The following GPC2 variants were observed in gnomAD, a reference collection of about 807,000 sequenced individuals.
The protein encoded by GPC2 is glypican 2.
GPC2 carries 42 observed loss-of-function variants against 57.3 expected under a neutral mutation model. The ratio of observed to expected loss-of-function variants is 0.73; its 90% CI spans 0.57 to 0.95. The LOEUF (loss-of-function observed/expected upper bound fraction) is 0.95, where lower values mean the gene tolerates loss of function less well. Among genes scored for constraint, GPC2 ranks in the 40% least tolerant of loss-of-function variants. The probability of loss-of-function intolerance (pLI) is 0.00; values close to 1 mark genes in which losing one functional copy is unlikely to be tolerated. For missense variants in GPC2, 745 were observed against 793.6 expected (o/e 0.94, Z 0.74); for synonymous variants, 364 against 343.4 (o/e 1.06, Z -0.66).
chr7:100,175,536 A>T (rs1554401295), intron 3 of GPC2, 36 bp downstream of exon 3: 1 of 1,542,146 alleles, frequency 6.5e-7, no homozygotes, highest in Non-Finnish European at 8.8e-7. Context: ...TCACTAGGTC[A>T]GAAGTGGTTG....
At chr7:100,173,401 G>C (rs1326778384) in intron 5 of GPC2, 1 of 152,052 alleles carries the variant, frequency 6.6e-6, no homozygotes, top group Admixed American at 6.6e-5. Flanking sequence ...TGGAGTAACT[G>C]GGACAACAGG....
rs1422133508 is a variant in GPC2, at chr7:100,175,019, T to C, written c.649-254A>G. On this transcript the variant is annotated intron_variant, in intron 3 of 9. Coordinates refer to ENST00000292377, the MANE Select transcript of GPC2 (RefSeq NM_152742.3). ...ACAGGGCTTAGAGAGAGAGAAATTG[T>C]GTATCGGAACTAACACTGAACTTGA... Among the ~76,000 whole-genome samples, 5 of 152,128 alleles carry C rather than the reference T, an allele frequency of 3.3e-5. No individual in the cohort carries two copies. The East Asian group carries it at 9.6e-4, about 29-fold the overall frequency.
intron 1 of GPC2, 55 bp downstream of exon 1, chr7:100,176,979 A>AGGGGGG: frequency 1.4e-6 from 1 of 714,308 alleles, no homozygotes. Context: ...TGAGATGAGG[A>AGGGGGG]GGCCCCGCCC....
rs1193193792 is a variant in GPC2 at position 100,171,862 on chromosome 7, G to A, written c.1087C>T (p.Arg363Trp). ...GACCACAGCCGGCCCGCCTCTTCCC[G>A]GGGCGGCGGGGCTCGACGGTTGCGG... ...PARNRRAPPP[R>W]EEAGRLWSMV... The change falls in exon 7 of 10, where the codon CGG becomes TGG. Residue 363 changes from arginine to tryptophan, a missense_variant. Physicochemically the swap from Arg to Trp is moderately radical, Grantham distance 101. This residue lies in a region of GPC2 where 607 missense variants were observed against 603.9 expected (regional missense o/e 1.01). Transcript: ENST00000292377. The surrounding 1 kb of genome is among the most constrained non-coding windows in gnomAD (Gnocchi z 4.8). The A allele has an allele frequency of 1.2e-5, 19 of 1,541,616 alleles. No homozygotes were observed. The highest frequency in any genetic ancestry group is 1.5e-5 in the Non-Finnish European group (17 of 1,152,064).
At position 100,175,631 on chromosome 7, in the gene GPC2, A is replaced by C. The variant is rs202048140; in HGVS notation, c.589T>G (p.Ser197Ala). The C allele has an allele frequency of 1.9e-6, 3 of 1,614,018 alleles. No individual in the cohort carries two copies. The Admixed American group carries it at 5.0e-5, about 27-fold the overall frequency. The change falls in exon 3 of 10, where the codon TCA (serine) becomes GCA (alanine). Residue 197 changes from serine to alanine, a missense_variant. Transcript: ENST00000292377. ...GGCTGCAGAGAGCCATCGGTAGATG[A>C]GGCCAAGCGTGAGAGGCAGAGCAGG... ...DYLLCLSRLA[S>A]STDGSLQPFG...
chr7:100,171,295 G>A lies in GPC2; in HGVS notation c.1452C>T (p.Ala484=), dbSNP rs1363373553. ...LRAATARMKT[A]ALGHDLDGQD... is the part of the protein sequence containing the mutation. ...GCCCGTCCAGGTCGTGTCCCAGTGC[G>A]GCCGTTTTCATTCTGGCCGTGGCCG... Residue 484 remains alanine, a synonymous_variant, in exon 9 of 10, where the codon GCC becomes GCT. Coordinates refer to ENST00000292377, the MANE Select transcript of GPC2 (RefSeq NM_152742.3). The surrounding 1 kb of genome is among the most constrained non-coding windows in gnomAD (Gnocchi z 4.8). The A allele has an allele frequency of 1.8e-5, 28 of 1,537,850 alleles. No homozygotes were observed. Among genetic ancestry groups the A allele is most frequent in the Middle Eastern group, 3.7e-4 (2 of 5,470 alleles).
Position 100,169,726 on chromosome 7 carries a change from A to T in GPC2, c.*504T>A, listed in dbSNP as rs560242676. On this transcript the variant is annotated 3_prime_UTR_variant, in exon 10 of 10. Coordinates refer to ENST00000292377, the MANE Select transcript of GPC2 (RefSeq NM_152742.3). Reference sequence around the variant, plus strand: ...AGCACCCCCCCACCTTGTTTTTTTTAAAATTTGGTTTAAGAAATTGATACT... The same window carrying T: ...AGCACCCCCCCACCTTGTTTTTTTTTAAATTTGGTTTAAGAAATTGATACT... The T allele has an allele frequency of 1.8e-3, 274 of 152,446 alleles. 1 individual carries two copies. Among genetic ancestry groups the T allele is most frequent in the Non-Finnish European group, 2.6e-3 (174 of 68,016 alleles). 9.4% of individuals were successfully genotyped at this position (152,446 alleles called of 1,614,324 possible).
In GPC2 at chr7:100,171,687, G is replaced by A. The variant is rs1562957143; in HGVS notation, c.1171-9C>T. 1.3e-6 allele frequency: 2 copies of A among 1,482,876 alleles called. No individual in the cohort carries two copies. Among genetic ancestry groups the A allele is most frequent in the Non-Finnish European group, 8.9e-7 (1 of 1,127,080 alleles). The allele number at this position is 1,482,876 out of a possible 1,614,324, so 91.9% of individuals were successfully genotyped here. ...TCGCGGAGCTCCCACACCTGGGCGG[G>A]CGAGAGGGGGCGGGGCGAGCTGGAG... On this transcript the variant is annotated splice_polypyrimidine_tract_variant and intron_variant, in intron 7 of 9. Transcript: ENST00000292377. The surrounding 1 kb of genome is among the most constrained non-coding windows in gnomAD (Gnocchi z 4.8).
Position 100,175,759 on chromosome 7 carries a change from T to A in GPC2, c.461A>T (p.Glu154Val). 1.2e-6 allele frequency: 2 copies of A among 1,613,850 alleles called. No individual in the cohort carries two copies. The highest frequency in any genetic ancestry group is 2.2e-5 in the South Asian group (2 of 91,058). Reference sequence around the variant, plus strand: ...GGTGTCATCCAACCCCTCACCAGATTCCCCATAGAAGTCTCGCAGCCGAGA... The same window carrying A: ...GGTGTCATCCAACCCCTCACCAGATACCCCATAGAAGTCTCGCAGCCGAGA... Reference protein sequence around the residue: ...LFSRLRDFYGESGEGLDDTLA... With the variant: ...LFSRLRDFYGVSGEGLDDTLA... Residue 154 changes from glutamate (E) to valine (V), a missense_variant, in exon 3 of 10, where the codon GAA (glutamate) becomes GTA (valine). This residue lies in a region of GPC2 where 607 missense variants were observed against 603.9 expected (regional missense o/e 1.01). Coordinates refer to ENST00000292377, the MANE Select transcript of GPC2 (RefSeq NM_152742.3).
chr7:100,174,689 A>C lies in GPC2; in HGVS notation c.725T>G (p.Leu242Arg). ...ETGRNVVSEA[L>R]KVPVSEGCSQ... is the part of the protein sequence containing the mutation. ...CATACTCAGGCACCCTCCAACCTTAAGCGCTTCGCTGACCACATTTCTTCC... is the reference window on the plus strand; with the variant it reads ...CATACTCAGGCACCCTCCAACCTTACGCGCTTCGCTGACCACATTTCTTCC... The change falls in exon 4 of 10, where the codon CTT (leucine) becomes CGT (arginine). Residue 242 changes from leucine (L) to arginine (R), a missense_variant. Leu to Arg is a moderately radical substitution (Grantham distance 102). Around this residue, in one of 2 missense-constraint regions of GPC2, gnomAD observed 607 missense variants for 603.9 expected, o/e 1.01. Coordinates refer to ENST00000292377, the MANE Select transcript of GPC2 (RefSeq NM_152742.3). 1 of 1,612,844 alleles carries C rather than the reference A, an allele frequency of 6.2e-7. No individual in the cohort carries two copies. Among genetic ancestry groups the C allele is most frequent in the Non-Finnish European group, 8.5e-7 (1 of 1,178,966 alleles).
At position 100,171,086 on chromosome 7, in the gene GPC2, T is replaced by A; in HGVS notation, c.1486+175A>T. 1.8e-6 allele frequency: 1 copy of A among 566,328 alleles called. No individual in the cohort carries two copies. Among genetic ancestry groups the A allele is most frequent in the Non-Finnish European group, 3.0e-6 (1 of 337,364 alleles). 35.1% of individuals were successfully genotyped at this position (566,328 alleles called of 1,614,324 possible). ...CTGGCCTGAAAGGATACAGACCCCCTCATTGATCTGTTACCCCCAGTCTTT... is the reference window on the plus strand; with the variant it reads ...CTGGCCTGAAAGGATACAGACCCCCACATTGATCTGTTACCCCCAGTCTTT... On this transcript the variant is annotated intron_variant, in intron 9 of 9. Coordinates refer to ENST00000292377, the MANE Select transcript of GPC2 (RefSeq NM_152742.3). The surrounding 1 kb of genome is among the most constrained non-coding windows in gnomAD (Gnocchi z 4.8).
chr7:100,175,070 C>T (rs1020737960), intron 3 of GPC2, among the ~76,000 whole-genome samples: 24 of 152,344 alleles, frequency 1.6e-4, no homozygotes, highest in African/African-American at 5.8e-4. Context: ...GTGTGAGCCA[C>T]GGCTCTGCCA....
intron 3 of GPC2, among the ~76,000 whole-genome samples, chr7:100,175,189 A>G (rs1001532546): frequency 6.6e-6 from 1 of 152,216 alleles, no homozygotes; most frequent in African/African-American, 2.4e-5. Context: ...ATGTGATACT[A>G]TAAAAGAAAA....
intron 1 of GPC2, 36 bp downstream of exon 1, chr7:100,176,998 C>T (rs200953293): frequency 4.4e-6 from 2 of 457,858 alleles, no homozygotes; most frequent in Admixed American, 4.0e-5. Context: ...CCCCGCCCCC[C>T]ACCCCCAATT....
rs1204041566 is a variant in GPC2 at position 100,177,349 on chromosome 7, G to A, written c.-150C>T. ...AAACTGAATACCGAGCACGATAGCTGGACCAGGCGGCATCTGCCGAGACAA... is the reference window on the plus strand; with the variant it reads ...AAACTGAATACCGAGCACGATAGCTAGACCAGGCGGCATCTGCCGAGACAA... On this transcript the variant is annotated 5_prime_UTR_variant, in exon 1 of 10. Transcript: ENST00000292377. 1 of 628,908 alleles carries A rather than the reference G, an allele frequency of 1.6e-6. No individual in the cohort carries two copies. The highest frequency in any genetic ancestry group is 2.5e-6 in the Non-Finnish European group (1 of 399,392). The allele number at this position is 628,908 out of a possible 1,614,324, so 39.0% of individuals were successfully genotyped here. A position where few individuals can be genotyped will look rare whatever the true frequency, so the allele number is the denominator to read the frequency against.
In GPC2 at chr7:100,170,421, C is replaced by T. The variant is rs1181327108; in HGVS notation, c.1549G>A (p.Val517Met). The change falls in exon 10 of 10, where the codon GTG becomes ATG. Residue 517 changes from valine to methionine, a missense_variant. Transcript: ENST00000292377. Reference protein sequence around the residue: ...QYADDWMAGAVAPPARPPRPP... With the variant: ...QYADDWMAGAMAPPARPPRPP... Reference sequence around the variant, plus strand: ...CGAGGAGGCCGGGCTGGGGGAGCCACAGCCCCAGCCATCCAGTCATCTGCA... The same window carrying T: ...CGAGGAGGCCGGGCTGGGGGAGCCATAGCCCCAGCCATCCAGTCATCTGCA... The T allele has an allele frequency of 1.2e-6, 2 of 1,608,154 alleles. No individual in the cohort carries two copies. Among genetic ancestry groups the T allele is most frequent in the Middle Eastern group, 1.7e-4 (1 of 6,036 alleles).
At position 100,173,989 on chromosome 7, in the gene GPC2, C is replaced by A; in HGVS notation, c.738G>T (p.Val246=). The change falls in exon 5 of 10, where the codon GTG becomes GTT. Residue 246 remains valine (V), a synonymous_variant. Coordinates refer to ENST00000292377, the MANE Select transcript of GPC2 (RefSeq NM_152742.3). ...TCAGAGCCTGGCTGCAGCCTTCAGA[C>A]ACCGGCACCTGGGGGCAGAGAGTGG... is the stretch of plus-strand genomic sequence containing the variant. ...NVVSEALKVP[V]SEGCSQALMR... 1 of 1,574,420 alleles carries A rather than the reference C, an allele frequency of 6.4e-7. No individual in the cohort carries two copies. The highest frequency in any genetic ancestry group is 1.2e-5 in the South Asian group (1 of 86,058).
Position 100,171,867 on chromosome 7 carries a change from G to A in GPC2, c.1082C>T (p.Pro361Leu). The A allele has an allele frequency of 6.5e-7, 1 of 1,538,376 alleles. No individual in the cohort carries two copies. The highest frequency in any genetic ancestry group is 8.7e-7 in the Non-Finnish European group (1 of 1,150,354). Residue 361 changes from proline to leucine, a missense_variant, in exon 7 of 10, where the codon CCG (proline) becomes CTG (leucine). Pro to Leu is a moderately conservative substitution (Grantham distance 98). Coordinates refer to ENST00000292377, the MANE Select transcript of GPC2 (RefSeq NM_152742.3). The surrounding 1 kb of genome is among the most constrained non-coding windows in gnomAD (Gnocchi z 4.8). ...PVPARNRRAP[P>L]PREEAGRLWS... ...CAGCCGGCCCGCCTCTTCCCGGGGC[G>A]GCGGGGCTCGACGGTTGCGGGCAGG...
intron 5 of GPC2, among the ~76,000 whole-genome samples, chr7:100,172,763 GTATA>G (rs1206784249): frequency 9.0e-6 from 1 of 110,744 alleles, no homozygotes; most frequent in Non-Finnish European, 2.2e-5. Flanking sequence ...ATATATGTGT[GTATA>G]TATATATGTG....
Sources: gnomAD v4.1 joint callset for allele counts (sites outside exome capture counted in the v4.1 genomes callset) on GRCh38, gnomAD v4.1.1 for gene constraint, gnomAD v4.1.1 regional missense constraint, Gnocchi (gnomAD v3.1) non-coding constraint, MANE v1.5 for transcripts, NCBI Gene and HGNC (gene_info 2026-07-23, HGNC 2026-07-21) for gene names.